NPAS3: variants seen among roughly 807,000 people sequenced by gnomAD.
NPAS3 encodes the protein neuronal PAS domain protein 3.
A neutral mutation model predicts 73.1 loss-of-function variants in NPAS3; 14 were observed. The ratio of observed to expected loss-of-function variants is 0.19; its 90% CI spans 0.13 to 0.30. The LOEUF (loss-of-function observed/expected upper bound fraction) is 0.30, where lower values mean the gene tolerates loss of function less well. NPAS3 is among the 10% of genes least tolerant of loss of function. The pLI is 1.00. For synonymous variants in NPAS3, 620 were observed against 541.5 expected (o/e 1.14, Z -2.01); for missense variants, 1,096 against 1,250.0 (o/e 0.88, Z 1.86).
chr14:32,993,079 A>T (rs1471769716), intron 1 of NPAS3, among the ~76,000 whole-genome samples: 2 of 150,830 alleles, frequency 1.3e-5, no homozygotes, highest in African/African-American at 4.9e-5. Context: ...GAACCCGGGC[A>T]GTGGAGGTTG....
At chr14:33,476,859 C>T (rs1477558022) in intron 4 of NPAS3, among the ~76,000 whole-genome samples, 1 of 151,734 alleles carries the variant, frequency 6.6e-6, no homozygotes, top group East Asian at 1.9e-4. Flanking sequence ...TGCACCCTCA[C>T]AGACTTTTGG....
chr14:33,079,050 C>A (rs185473384), intron 2 of NPAS3, among the ~76,000 whole-genome samples: 1 of 152,244 alleles, frequency 6.6e-6, no homozygotes, highest in East Asian at 1.9e-4. Context: ...GAGTCTCAAA[C>A]CCCAATTTGC....
At chr14:33,398,440 G>A (rs777332703) in intron 4 of NPAS3, among the ~76,000 whole-genome samples, 24 of 148,734 alleles carry the variant, frequency 1.6e-4, no homozygotes, top group Non-Finnish European at 2.1e-4. Flanking sequence ...GTAAAACCCA[G>A]TGATATATTC....
chr14:33,151,737 G>A (rs568468574), intron 2 of NPAS3, among the ~76,000 whole-genome samples: 1 of 152,248 alleles, frequency 6.6e-6, no homozygotes, highest in African/African-American at 2.4e-5. Context: ...TCCTACAAGT[G>A]TAGGTGAGAG....
intron 4 of NPAS3, among the ~76,000 whole-genome samples, chr14:33,449,081 A>T (rs887855977): frequency 6.6e-6 from 1 of 152,216 alleles, no homozygotes; most frequent in Non-Finnish European, 1.5e-5. Flanking sequence ...CCCCAACCGC[A>T]TAGGCCTCAA....
chr14:33,109,712 G>A (rs10483423), intron 2 of NPAS3, among the ~76,000 whole-genome samples: 16,305 of 151,742 alleles, frequency 0.11, 1,474 homozygotes, highest in African/African-American at 0.24. Flanking sequence ...GATTAAACTG[G>A]AATGGACTTT....
At chr14:33,294,967 A>T (rs2042236930) in intron 3 of NPAS3, among the ~76,000 whole-genome samples, 1 of 152,166 alleles carries the variant, frequency 6.6e-6, no homozygotes, top group African/African-American at 2.4e-5. Flanking sequence ...GGTGTTCGGG[A>T]TCTTGCAGTG....
chr14:33,646,583 G>A (rs1174090005), intron 5 of NPAS3, among the ~76,000 whole-genome samples: 1 of 152,112 alleles, frequency 6.6e-6, no homozygotes, highest in East Asian at 1.9e-4. Flanking sequence ...GTCCTTCATG[G>A]CTTGGGCCTG....
At chr14:33,580,544 G>A (rs1028031715) in intron 5 of NPAS3, among the ~76,000 whole-genome samples, 9 of 152,158 alleles carry the variant, frequency 5.9e-5, no homozygotes, top group African/African-American at 2.2e-4. Flanking sequence ...GCCTGCAGAG[G>A]CAGACGTACA....
At chr14:33,428,190 G>C (rs2048633188) in intron 4 of NPAS3, among the ~76,000 whole-genome samples, 1 of 152,066 alleles carries the variant, frequency 6.6e-6, no homozygotes, top group Non-Finnish European at 1.5e-5. Flanking sequence ...AAATTAGGTA[G>C]ACCAGGGTTC....
At chr14:33,770,156 G>A (rs1466018746) in intron 7 of NPAS3, among the ~76,000 whole-genome samples, 1 of 152,132 alleles carries the variant, frequency 6.6e-6, no homozygotes, top group Non-Finnish European at 1.5e-5. Flanking sequence ...GCCGGGACAG[G>A]GGGACTTTTC....
chr14:32,953,056 G>C (rs1041535979), intron 1 of NPAS3, among the ~76,000 whole-genome samples: 4 of 150,778 alleles, frequency 2.7e-5, no homozygotes, highest in African/African-American at 7.3e-5. Context: ...GGGCAACAGA[G>C]TGAGACCCTG....
chr14:33,406,714 C>G (rs911076529), intron 4 of NPAS3, among the ~76,000 whole-genome samples: 15 of 152,210 alleles, frequency 9.9e-5, no homozygotes, highest in Admixed American at 5.2e-4. Flanking sequence ...AATGCTGTTC[C>G]TGATAGTTTT....
At chr14:33,400,319 G>C (rs546599690) in intron 4 of NPAS3, among the ~76,000 whole-genome samples, 28 of 152,082 alleles carry the variant, frequency 1.8e-4, no homozygotes, top group Non-Finnish European at 2.8e-4. Context: ...TATCTTAAGG[G>C]ACATAATAGC....
At chr14:33,536,795 C>T (rs766475515) in intron 4 of NPAS3, among the ~76,000 whole-genome samples, 1 of 151,980 alleles carries the variant, frequency 6.6e-6, no homozygotes, top group Non-Finnish European at 1.5e-5. Context: ...CTATGTTTAC[C>T]AATAAAATTA....
intron 4 of NPAS3, among the ~76,000 whole-genome samples, chr14:33,550,588 G>T (rs2055064295): frequency 6.6e-6 from 1 of 152,226 alleles, no homozygotes; most frequent in South Asian, 2.1e-4. Context: ...TCTGTGGACA[G>T]GCAGCGTACG....
At chr14:33,711,855 A>G (rs2060827152) in intron 6 of NPAS3, among the ~76,000 whole-genome samples, 1 of 152,060 alleles carries the variant, frequency 6.6e-6, no homozygotes, top group Admixed American at 6.5e-5. Flanking sequence ...CAAACCCCCA[A>G]GAAAGAGAGC....
At chr14:33,071,438 CT>C (rs1169179161) in intron 2 of NPAS3, among the ~76,000 whole-genome samples, 15 of 152,030 alleles carry the variant, frequency 9.9e-5, no homozygotes, top group Non-Finnish European at 1.8e-4. Flanking sequence ...TTAAGTAAAT[CT>C]TTTAATTGAG....
downstream of NPAS3, chr14:33,802,376 T>TAAAAAAAAAAAAAAGAAAAAAAAAAA (rs2063733396): frequency 1.0e-5 from 1 of 95,730 alleles, no homozygotes; most frequent in Non-Finnish European, 2.0e-5. Context: ...GCACATTAAG[T>TAAAAAAAAAAAAAAGAAAAAAAAAAA]AAAAAAAAAA....
Sources: gnomAD v4.1 joint callset for allele counts (sites outside exome capture counted in the v4.1 genomes callset) on GRCh38, gnomAD v4.1.1 for gene constraint, MANE v1.5 for transcripts, NCBI Gene and HGNC (gene_info 2026-07-23, HGNC 2026-07-21) for gene names.